TMEM232: variants seen among roughly 807,000 people sequenced by gnomAD.
The protein encoded by TMEM232 is transmembrane protein 232.
In TMEM232, 80 loss-of-function variants were observed where a neutral mutation model predicts 78.8. The ratio of observed to expected loss-of-function variants is 1.01; its 90% CI spans 0.85 to 1.22. The LOEUF is 1.22. Ranked by LOEUF, TMEM232 falls within the 50% of genes most tolerant of loss-of-function variation. The pLI is 0.00. For missense variants in TMEM232, 881 were observed against 742.2 expected, an observed-to-expected ratio of 1.19 and a Z score of -2.17; for synonymous variants, 297 against 254.3, an observed-to-expected ratio of 1.17 and a Z score of -1.60.
chr5:110,609,031 G>A lies in TMEM232; in HGVS notation c.903-2744C>T, dbSNP rs577764801. Among the ~76,000 whole-genome samples the A allele has an allele frequency of 2.2e-4, 34 of 152,128 alleles. 1 individual carries two copies. The South Asian group carries it at 6.8e-3, about 31-fold the overall frequency. On this transcript the variant is annotated intron_variant, in intron 8 of 13. Transcript: ENST00000455884. Reference sequence around the variant, plus strand: ...AATAACAATATATACATACACACATGCACACATTTATAGAAGTTAGGAACA... The same window carrying A: ...AATAACAATATATACATACACACATACACACATTTATAGAAGTTAGGAACA...
chr5:110,614,317 G>A (rs1480831809), intron 8 of TMEM232, among the ~76,000 whole-genome samples: 3 of 152,190 alleles, frequency 2.0e-5, no homozygotes, highest in South Asian at 4.1e-4. Flanking sequence ...ATTGGAGAGA[G>A]TGCTATATCG....
At position 110,658,122 on chromosome 5, in the gene TMEM232, A is replaced by C. The variant is rs902917330; in HGVS notation, c.125+9106T>G. On this transcript the variant is annotated intron_variant, in intron 2 of 13. Coordinates refer to ENST00000455884, the MANE Select transcript of TMEM232 (RefSeq NM_001039763.4). The stretch of plus-strand genomic sequence containing the variant: ...GTGATATGAACACCTGCAGAAATTC[A>C]TTCTATGAATACCTCCCTTGAATTT... 3.3e-5 allele frequency among the ~76,000 whole-genome samples: 5 copies of C among 152,242 alleles called. No individual in the cohort carries two copies. The East Asian group carries it at 9.7e-4, about 29-fold the overall frequency.
At chr5:110,604,992 A>C (rs1781366035) in intron 10 of TMEM232, 117 bp downstream of exon 10, 1 of 1,232,160 alleles carries the variant, frequency 8.1e-7, no homozygotes. Flanking sequence ...CAAAATTTGT[A>C]AAATTTAAAA....
intron 12 of TMEM232, among the ~76,000 whole-genome samples, chr5:110,468,562 A>G (rs979622880): frequency 9.2e-5 from 14 of 152,260 alleles, no homozygotes; most frequent in African/African-American, 3.4e-4. Flanking sequence ...ATAATGTTAA[A>G]TGAAACATTG....
chr5:110,675,053 T>C (rs1791849762), intron 1 of TMEM232, among the ~76,000 whole-genome samples: 1 of 148,988 alleles, frequency 6.7e-6, no homozygotes. Context: ...ATTTATTTAT[T>C]TATTTTGAGA....
intron 1 of TMEM232, among the ~76,000 whole-genome samples, chr5:110,683,720 G>T (rs143010351): frequency 6.6e-6 from 1 of 151,650 alleles, no homozygotes; most frequent in South Asian, 2.1e-4. Flanking sequence ...GCCACTCAAG[G>T]TTATAGAATC....
chr5:110,737,473 T>C (rs1799302514), intron 1 of TMEM232, among the ~76,000 whole-genome samples: 1 of 152,208 alleles, frequency 6.6e-6, no homozygotes, highest in Non-Finnish European at 1.5e-5. Flanking sequence ...CTGCTCTCCA[T>C]CAGAAAGTTA....
At chr5:110,687,721 T>C (rs531215745) in intron 1 of TMEM232, among the ~76,000 whole-genome samples, 2 of 152,144 alleles carry the variant, frequency 1.3e-5, no homozygotes, top group Non-Finnish European at 2.9e-5. Context: ...CCTCTCTCTC[T>C]ATACATGTGT....
chr5:110,480,743 A>G (rs1438121396), intron 12 of TMEM232, among the ~76,000 whole-genome samples: 1 of 152,088 alleles, frequency 6.6e-6, no homozygotes, highest in East Asian at 1.9e-4. Context: ...GTGAGGGCAT[A>G]AAAGACCAAC....
At chr5:110,700,240 T>C (rs1437942762) in intron 1 of TMEM232, among the ~76,000 whole-genome samples, 9 of 152,042 alleles carry the variant, frequency 5.9e-5, no homozygotes, top group Admixed American at 5.9e-4. Flanking sequence ...TATTGAAAGA[T>C]TTGAAAAGGT....
intron 12 of TMEM232, among the ~76,000 whole-genome samples, chr5:110,521,504 T>G (rs1769500896): frequency 6.6e-6 from 1 of 152,198 alleles, no homozygotes; most frequent in Non-Finnish European, 1.5e-5. Flanking sequence ...GGAGTTTTGG[T>G]GTCATATTCA....
At chr5:110,677,718 G>A (rs909684990) in intron 1 of TMEM232, among the ~76,000 whole-genome samples, 1 of 151,990 alleles carries the variant, frequency 6.6e-6, no homozygotes, top group Non-Finnish European at 1.5e-5. Flanking sequence ...CTGGCTGCTG[G>A]TAAAACGTTT....
chr5:110,489,692 G>T (rs145048434), intron 12 of TMEM232, among the ~76,000 whole-genome samples: 175 of 152,170 alleles, frequency 1.2e-3, no homozygotes, highest in African/African-American at 4.1e-3. Flanking sequence ...ATTTAGATTA[G>T]AAATGAGGAA....
chr5:110,655,125 A>C (rs1241721954), intron 2 of TMEM232, among the ~76,000 whole-genome samples: 1 of 152,046 alleles, frequency 6.6e-6, no homozygotes, highest in East Asian at 1.9e-4. Flanking sequence ...GCAACCTACA[A>C]AATGGGAGAA....
At chr5:110,427,008 T>C (rs1272612140) in intron 12 of TMEM232, among the ~76,000 whole-genome samples, 2 of 151,960 alleles carry the variant, frequency 1.3e-5, no homozygotes, top group Admixed American at 1.3e-4. Flanking sequence ...GAAAAACAAA[T>C]GAATATGCTT....
At chr5:110,531,102 C>T (rs1039044576) in intron 11 of TMEM232, among the ~76,000 whole-genome samples, 4 of 152,152 alleles carry the variant, frequency 2.6e-5, no homozygotes, top group Non-Finnish European at 5.9e-5. Context: ...CTTCTCCTGG[C>T]TCATCCTGGC....
chr5:110,673,997 A>AG (rs1231585865), intron 1 of TMEM232, among the ~76,000 whole-genome samples: 3 of 151,344 alleles, frequency 2.0e-5, no homozygotes, highest in Non-Finnish European at 4.4e-5. Context: ...CATGAAAAAA[A>AG]AAAAAAAAGC....
intron 2 of TMEM232, among the ~76,000 whole-genome samples, chr5:110,646,946 TTTCTTC>T (rs1014100097): frequency 6.6e-6 from 1 of 151,770 alleles, no homozygotes; most frequent in Non-Finnish European, 1.5e-5. Flanking sequence ...TTTGTTTTTT[TTTCTTC>T]TTCTTCTTCT....
intron 12 of TMEM232, among the ~76,000 whole-genome samples, chr5:110,476,704 G>A (rs1763293824): frequency 6.6e-6 from 1 of 151,992 alleles, no homozygotes; most frequent in Non-Finnish European, 1.5e-5. Flanking sequence ...ATGACAAACA[G>A]TACCTCAAGT....
Sources: allele counts gnomAD v4.1 joint callset (sites outside exome capture counted in the v4.1 genomes callset), GRCh38; gene constraint gnomAD v4.1.1; transcripts MANE v1.5; gene names NCBI Gene and HGNC (gene_info 2026-07-23, HGNC 2026-07-21).